The following RAPGEF2 variants were observed in gnomAD, a reference collection of about 807,000 sequenced individuals.
RAPGEF2 encodes PDZ domain containing guanine nucleotide exchange factor (GEF) 1.
In RAPGEF2, 54 loss-of-function variants were observed where a neutral mutation model predicts 186.7. The ratio of observed to expected loss-of-function variants is 0.29; its 90% CI spans 0.23 to 0.36. The LOEUF (loss-of-function observed/expected upper bound fraction) is 0.36. Among genes scored for constraint, RAPGEF2 ranks in the 10% least tolerant of loss-of-function variants. The pLI is 1.00. For missense variants in RAPGEF2, 1,532 were observed against 2,045.0 expected, an observed-to-expected ratio of 0.75 and a Z score of 4.84; for synonymous variants, 712 against 705.9, an observed-to-expected ratio of 1.01 and a Z score of -0.14.
chr4:159,302,359 A>G (rs1036033829), intron 7 of RAPGEF2, among the ~76,000 whole-genome samples: 4 of 152,150 alleles, frequency 2.6e-5, no homozygotes, highest in African/African-American at 4.8e-5. Context: ...AAATCACACT[A>G]TGTTGCATGT....
intron 1 of RAPGEF2, among the ~76,000 whole-genome samples, chr4:159,168,453 C>T (rs1007969624): frequency 1.3e-5 from 2 of 151,298 alleles, no homozygotes; most frequent in Non-Finnish European, 2.9e-5. Context: ...TTTTATTTTC[C>T]CTCCCCAGTT....
At chr4:159,348,242 A>ATGGATGGATG (rs1730647108) in intron 25 of RAPGEF2, among the ~76,000 whole-genome samples, 9 of 145,068 alleles carry the variant, frequency 6.2e-5, no homozygotes, top group Middle Eastern at 3.5e-3. Context: ...ATAGATAGAT[A>ATGGATGGATG]GATGGATGGA....
At chr4:159,299,753 T>G (rs1209299009) in intron 7 of RAPGEF2, among the ~76,000 whole-genome samples, 1 of 152,152 alleles carries the variant, frequency 6.6e-6, no homozygotes, top group African/African-American at 2.4e-5. Context: ...GCTAGTAATT[T>G]TATAAATGCC....
intron 8 of RAPGEF2, among the ~76,000 whole-genome samples, chr4:159,312,639 T>C (rs1764083784): frequency 6.6e-6 from 1 of 152,186 alleles, no homozygotes; most frequent in Non-Finnish European, 1.5e-5. Context: ...CATTGAACTT[T>C]CATAAACATT....
chr4:159,345,874 C>A (rs1051884035), intron 24 of RAPGEF2, among the ~76,000 whole-genome samples: 7 of 151,230 alleles, frequency 4.6e-5, no homozygotes, highest in African/African-American at 1.7e-4. Flanking sequence ...TCTAAATCTG[C>A]ATCTTGACTT....
At position 159,206,759 on chromosome 4, in the gene RAPGEF2, T is replaced by A. The variant is rs1334350890; in HGVS notation, c.198-3741T>A. On this transcript the variant is annotated intron_variant, in intron 3 of 29. Coordinates refer to ENST00000691494, the MANE Select transcript of RAPGEF2 (RefSeq NM_001394067.2). ...ATAAAGTAAGGGGAATTTTCTAGAC[T>A]AGTAAGACTAAATAAAACATATTTC... 2.6e-5 allele frequency among the ~76,000 whole-genome samples: 4 copies of A among 152,284 alleles called. No individual in the cohort carries two copies. The East Asian group carries it at 7.7e-4, about 29-fold the overall frequency.
intron 1 of RAPGEF2, among the ~76,000 whole-genome samples, chr4:159,158,748 A>G (rs1236702589): frequency 6.6e-6 from 1 of 152,214 alleles, no homozygotes; most frequent in African/African-American, 2.4e-5. Context: ...CTCAATATTA[A>G]TTGAATCAAC....
intron 26 of RAPGEF2, among the ~76,000 whole-genome samples, chr4:159,351,477 A>G (rs977735175): frequency 1.3e-5 from 2 of 152,242 alleles, no homozygotes; most frequent in Non-Finnish European, 2.9e-5. Context: ...AACATACTTA[A>G]ACTGGCAACA....
chr4:159,165,160 A>C (rs1745167803), intron 1 of RAPGEF2, among the ~76,000 whole-genome samples: 2 of 152,164 alleles, frequency 1.3e-5, no homozygotes, highest in South Asian at 2.1e-4. Context: ...ATTATCTCCG[A>C]TATTTGATTT....
At chr4:159,214,912 G>A (rs952567241) in intron 4 of RAPGEF2, among the ~76,000 whole-genome samples, 1 of 152,166 alleles carries the variant, frequency 6.6e-6, no homozygotes, top group Non-Finnish European at 1.5e-5. Context: ...GTCCAGGCTG[G>A]AGTGTAGTGG....
chr4:159,273,629 T>C (rs574302619), intron 7 of RAPGEF2, among the ~76,000 whole-genome samples: 3 of 10,644 alleles, frequency 2.8e-4, no homozygotes, highest in South Asian at 3.6e-3. Flanking sequence ...GTAATCAGTT[T>C]CTTTCTTTCT....
chr4:159,201,470 T>A (rs1288411654), intron 3 of RAPGEF2, among the ~76,000 whole-genome samples: 2 of 152,232 alleles, frequency 1.3e-5, no homozygotes, highest in Admixed American at 1.3e-4. Context: ...TGAAAACCTC[T>A]GATCTCAACT....
intron 9 of RAPGEF2, among the ~76,000 whole-genome samples, chr4:159,319,829 T>C (rs1220564101): frequency 1.3e-5 from 2 of 151,724 alleles, no homozygotes; most frequent in African/African-American, 4.8e-5. Context: ...GACCCACTAA[T>C]AGATTAAGAG....
At chr4:159,274,344 T>A (rs1758566684) in intron 7 of RAPGEF2, among the ~76,000 whole-genome samples, 1 of 152,202 alleles carries the variant, frequency 6.6e-6, no homozygotes, top group Admixed American at 6.5e-5. Flanking sequence ...TTTGAAAGCC[T>A]TTTCAATTTA....
chr4:159,273,149 A>G (rs970328301), intron 7 of RAPGEF2, among the ~76,000 whole-genome samples: 2 of 152,216 alleles, frequency 1.3e-5, no homozygotes, highest in African/African-American at 2.4e-5. Flanking sequence ...TATAACAGAT[A>G]TATTTCCTGA....
At chr4:159,211,050 T>A (rs1579474212) in intron 4 of RAPGEF2, among the ~76,000 whole-genome samples, 1 of 152,218 alleles carries the variant, frequency 6.6e-6, no homozygotes, top group African/African-American at 2.4e-5. Context: ...CATTTTTGCA[T>A]TTGTCTGTGG....
chr4:159,162,960 A>G (rs897491758), intron 1 of RAPGEF2, among the ~76,000 whole-genome samples: 34 of 152,262 alleles, frequency 2.2e-4, no homozygotes, highest in African/African-American at 7.9e-4. Flanking sequence ...GTGGACTATA[A>G]TCTAGAATCT....
intron 7 of RAPGEF2, among the ~76,000 whole-genome samples, chr4:159,277,864 G>A (rs936477723): frequency 1.6e-3 from 250 of 151,822 alleles, no homozygotes; most frequent in African/African-American, 5.2e-3. Flanking sequence ...ATTTTCTCCC[G>A]TTCTGTAGGT....
At chr4:159,194,104 G>A (rs963224501) in intron 3 of RAPGEF2, among the ~76,000 whole-genome samples, 2 of 152,206 alleles carry the variant, frequency 1.3e-5, no homozygotes, top group African/African-American at 4.8e-5. Flanking sequence ...TCAGCAAAGG[G>A]GCTGTGGAAC....
Sources: gnomAD v4.1 joint callset for allele counts (sites outside exome capture counted in the v4.1 genomes callset) on GRCh38, gnomAD v4.1.1 for gene constraint, MANE v1.5 for transcripts, NCBI Gene and HGNC (gene_info 2026-07-23, HGNC 2026-07-21) for gene names.